CDC42BPA: variants seen among roughly 807,000 people sequenced by gnomAD.
CDC42BPA encodes serine/threonine-protein kinase MRCK alpha.
Under a neutral mutation model 223.5 loss-of-function variants are expected in CDC42BPA, and 80 were observed. That is an observed-to-expected ratio of 0.36 (90% CI 0.30 to 0.43). The LOEUF (loss-of-function observed/expected upper bound fraction) is 0.43. Ranked by LOEUF, CDC42BPA falls within the 20% of genes least tolerant of loss-of-function variation. The probability of loss-of-function intolerance (pLI) is 1.00; values close to 1 mark genes in which losing one functional copy is unlikely to be tolerated. For synonymous variants in CDC42BPA, 694 were observed against 718.6 expected (o/e 0.97, Z 0.55); for missense variants, 1,743 against 2,099.9 (o/e 0.83, Z 3.32).
At chr1:227,046,606 A>G (rs1439411230) in intron 23 of CDC42BPA, among the ~76,000 whole-genome samples, 3 of 152,208 alleles carry the variant, frequency 2.0e-5, no homozygotes, top group Non-Finnish European at 2.9e-5. Flanking sequence ...CAGAACTGGT[A>G]TAACACTTTA....
chr1:227,187,678 C>CA (rs1669030034), intron 5 of CDC42BPA, among the ~76,000 whole-genome samples: 3 of 6,834 alleles, frequency 4.4e-4, no homozygotes, highest in Non-Finnish European at 7.6e-4. Context: ...TGGCACCCCC[C>CA]ACCCCCCCCC....
At chr1:227,295,359 C>T (rs1690488043) in intron 1 of CDC42BPA, among the ~76,000 whole-genome samples, 3 of 151,990 alleles carry the variant, frequency 2.0e-5, no homozygotes, top group African/African-American at 7.3e-5. Flanking sequence ...GGGGTTTCAC[C>T]ATGTTGCCCG....
chr1:227,034,493 T>G (rs41303115), intron 26 of CDC42BPA, among the ~76,000 whole-genome samples, 162 bp downstream of exon 26: 14,564 of 152,266 alleles, frequency 0.096, 866 homozygotes, highest in Middle Eastern at 0.16. Flanking sequence ...TAAATACACC[T>G]TACTTCCTAT....
At chr1:227,219,892 CAGAGTT>C (rs1675533906) in intron 2 of CDC42BPA, among the ~76,000 whole-genome samples, 1 of 152,138 alleles carries the variant, frequency 6.6e-6, no homozygotes, top group South Asian at 2.1e-4. Flanking sequence ...CTTGAAATAA[CAGAGTT>C]AATTACCAGC....
intron 11 of CDC42BPA, among the ~76,000 whole-genome samples, chr1:227,126,495 G>A (rs1423109635): frequency 6.7e-5 from 8 of 120,186 alleles, no homozygotes; most frequent in African/African-American, 2.5e-4. Flanking sequence ...AAGGAAGGAA[G>A]GAAGGAAGGA....
Position 227,317,968 on chromosome 1 carries a change from G to C in CDC42BPA, c.-786C>G. 2.5e-6 allele frequency: 1 copy of C among 395,852 alleles called. No individual in the cohort carries two copies. The highest frequency in any genetic ancestry group is 4.5e-6 in the Non-Finnish European group (1 of 224,468). 24.5% of individuals were successfully genotyped at this position (395,852 alleles called of 1,614,324 possible). ...GGCCTGACCGGCGGCGCGGCCGGGG[G>C]TGGAAGGCGGGCTGCGGGCGGCACT... On this transcript the variant is annotated 5_prime_UTR_variant, in exon 1 of 37. Transcript: ENST00000366766.
intron 21 of CDC42BPA, among the ~76,000 whole-genome samples, chr1:227,065,417 G>A (rs1192325155): frequency 6.6e-6 from 1 of 152,150 alleles, no homozygotes; most frequent in Non-Finnish European, 1.5e-5. Context: ...GCTCTGCTCT[G>A]CCTGGTTGCC....
At chr1:227,009,066 A>G (rs1664672027) in intron 34 of CDC42BPA, among the ~76,000 whole-genome samples, 2 of 152,144 alleles carry the variant, frequency 1.3e-5, no homozygotes. Flanking sequence ...CTTAAGATAC[A>G]TTGATGTTGT....
At chr1:227,065,609 G>A (rs539607555) in intron 21 of CDC42BPA, among the ~76,000 whole-genome samples, 2 of 152,280 alleles carry the variant, frequency 1.3e-5, no homozygotes, top group African/African-American at 2.4e-5. Flanking sequence ...TGAGTTAACA[G>A]GCAAAACATG....
At chr1:227,256,232 T>C (rs539517778) in intron 1 of CDC42BPA, among the ~76,000 whole-genome samples, 33 of 152,052 alleles carry the variant, frequency 2.2e-4, no homozygotes, top group Middle Eastern at 3.4e-3. Flanking sequence ...GAAAACCAAA[T>C]ACCACATGTT....
At chr1:227,009,174 T>TA (rs1424508820) in intron 34 of CDC42BPA, among the ~76,000 whole-genome samples, 1 of 152,196 alleles carries the variant, frequency 6.6e-6, no homozygotes, top group African/African-American at 2.4e-5. Context: ...CTTTATTACT[T>TA]AGGCTGAAGT....
intron 15 of CDC42BPA, among the ~76,000 whole-genome samples, chr1:227,098,219 T>C (rs920976358): frequency 1.3e-5 from 2 of 151,962 alleles, no homozygotes; most frequent in Non-Finnish European, 1.5e-5. Context: ...TGGTTCCTCA[T>C]CATCTCTTGA....
At chr1:227,091,698 C>T (rs1683106480) in intron 16 of CDC42BPA, among the ~76,000 whole-genome samples, 188 bp downstream of exon 16, 1 of 152,080 alleles carries the variant, frequency 6.6e-6, no homozygotes, top group South Asian at 2.1e-4. Flanking sequence ...ATAAGCAAAA[C>T]TCTCTCTTCA....
chr1:227,075,843 G>T lies in CDC42BPA; in HGVS notation c.2481-1479C>A, dbSNP rs958059524. On this transcript the variant is annotated intron_variant, in intron 17 of 36. Transcript: ENST00000366766. ...GGTTTAGTATCTACCATGGCTCAGA[G>T]ATCTTAGTTTATGCACATTTCCAAG... 7.9e-5 allele frequency among the ~76,000 whole-genome samples: 12 copies of T among 152,158 alleles called. 1 individual carries two copies. Among genetic ancestry groups the T allele is most frequent in the African/African-American group, 2.4e-4 (10 of 41,454 alleles).
At chr1:227,188,720 A>AC (rs1459996216) in intron 5 of CDC42BPA, among the ~76,000 whole-genome samples, 2 of 152,214 alleles carry the variant, frequency 1.3e-5, no homozygotes, top group Admixed American at 1.3e-4. Flanking sequence ...GAGGTGGAAC[A>AC]CAGAGCATTT....
At chr1:227,168,471 C>G (rs553747939) in intron 5 of CDC42BPA, among the ~76,000 whole-genome samples, 1 of 134,978 alleles carries the variant, frequency 7.4e-6, no homozygotes, top group African/African-American at 2.8e-5. Flanking sequence ...CTTGACATGG[C>G]CTTTTTCATA....
chr1:227,314,623 T>C (rs1694067332), intron 1 of CDC42BPA, among the ~76,000 whole-genome samples: 1 of 152,050 alleles, frequency 6.6e-6, no homozygotes, highest in Non-Finnish European at 1.5e-5. Flanking sequence ...CTGACTGTAC[T>C]TTAAGAGTAA....
intron 2 of CDC42BPA, among the ~76,000 whole-genome samples, chr1:227,214,959 C>A (rs1674569016): frequency 6.6e-6 from 1 of 152,038 alleles, no homozygotes; most frequent in Non-Finnish European, 1.5e-5. Flanking sequence ...TTCTCAAAGA[C>A]AAAAGGTTTT....
chr1:226,990,496 G>C lies in CDC42BPA; in HGVS notation c.*3772C>G, dbSNP rs184320519. ...TGGGCCAGAGAGACGGGGGAGTGGA[G>C]TGCCCAATTCATTCCCTGTTGTGCT... is the stretch of plus-strand genomic sequence containing the variant. On this transcript the variant is annotated 3_prime_UTR_variant, in exon 37 of 37. Coordinates refer to ENST00000366766, the MANE Select transcript of CDC42BPA (RefSeq NM_001394014.1). 23 of 152,422 alleles carry C rather than the reference G, an allele frequency of 1.5e-4. No homozygotes were observed. The highest frequency in any genetic ancestry group is 5.3e-4 in the African/African-American group (22 of 41,580). 9.4% of individuals were successfully genotyped at this position (152,422 alleles called of 1,614,324 possible).
Sources: gnomAD v4.1 joint callset for allele counts (sites outside exome capture counted in the v4.1 genomes callset) on GRCh38, gnomAD v4.1.1 for gene constraint, MANE v1.5 for transcripts, NCBI Gene and HGNC (gene_info 2026-07-23, HGNC 2026-07-21) for gene names.